ABCB1: variants seen among roughly 807,000 people sequenced by gnomAD.
ABCB1 encodes ATP binding cassette subfamily B member 1.
A neutral mutation model predicts 142.0 loss-of-function variants in ABCB1; 69 were observed. The observed-to-expected ratio is 0.49, with a 90% CI of 0.40 to 0.59. The LOEUF (loss-of-function observed/expected upper bound fraction) is 0.59. Among genes scored for constraint, ABCB1 ranks in the 20% least tolerant of loss-of-function variants. ABCB1 has a pLI of 0.00. For synonymous variants in ABCB1, 532 were observed against 539.2 expected (o/e 0.99, Z 0.18); for missense variants, 1,326 against 1,554.7 (o/e 0.85, Z 2.47).
intron 1 of ABCB1, among the ~76,000 whole-genome samples, chr7:87,692,349 C>G (rs1828093915): frequency 6.6e-6 from 1 of 152,098 alleles, no homozygotes; most frequent in African/African-American, 2.4e-5. Context: ...CTTAGCTACT[C>G]ACAAGGCGAA....
intron 1 of ABCB1, among the ~76,000 whole-genome samples, chr7:87,695,178 C>G (rs1194973779): frequency 6.6e-6 from 1 of 152,022 alleles, no homozygotes; most frequent in African/African-American, 2.4e-5. Context: ...TATACTTGTT[C>G]TATTTTTTAG....
At chr7:87,637,779 C>A (rs367591623) in intron 1 of ABCB1, among the ~76,000 whole-genome samples, 1 of 151,790 alleles carries the variant, frequency 6.6e-6, no homozygotes, top group African/African-American at 2.4e-5. Context: ...ACAGTCTTAC[C>A]AGATTTCTTT....
intron 25 of ABCB1, among the ~76,000 whole-genome samples, chr7:87,511,190 G>A (rs1217144651): frequency 1.3e-5 from 2 of 152,134 alleles, no homozygotes; most frequent in East Asian, 3.9e-4. Flanking sequence ...CTTTCTTTAA[G>A]TAAAACAAGT....
intron 1 of ABCB1, among the ~76,000 whole-genome samples, chr7:87,612,264 A>G (rs561602838): frequency 2.2e-4 from 34 of 152,178 alleles, no homozygotes; most frequent in African/African-American, 6.7e-4. Flanking sequence ...TTTTTAGTTT[A>G]ATTAGGTACA....
chr7:87,565,991 G>T, intron 7 of ABCB1, 79 bp downstream of exon 7: 2 of 1,497,968 alleles, frequency 1.3e-6, no homozygotes, highest in Non-Finnish European at 1.9e-6. Context: ...TCATCATGTA[G>T]TAAAAAGACC....
chr7:87,607,531 T>C (rs1047801183), intron 1 of ABCB1, among the ~76,000 whole-genome samples: 1 of 152,114 alleles, frequency 6.6e-6, no homozygotes, highest in Non-Finnish European at 1.5e-5. Flanking sequence ...TTTTTTTCTT[T>C]GATTCTTTTT....
chr7:87,563,350 G>T (rs953202294), intron 7 of ABCB1: 6 of 455,038 alleles, frequency 1.3e-5, no homozygotes, highest in Non-Finnish European at 2.2e-5. Context: ...ACCTGGCAGA[G>T]ATACAACAAC....
rs1827998822 is a variant in ABCB1 at position 87,691,364 on chromosome 7, A to C, written c.-331+21797T>G. On this transcript the variant is annotated intron_variant, in intron 1 of 28. Coordinates refer to the ABCB1 transcript ENST00000265724. ...TTCTGCCTTTGCCTGAAATTTCAGA[A>C]ACTTACTCCTGAAATAACTATATGG... 2.6e-5 allele frequency among the ~76,000 whole-genome samples: 4 copies of C among 152,222 alleles called. No individual in the cohort carries two copies. The South Asian group carries it at 8.3e-4, about 32-fold the overall frequency.
chr7:87,556,001 A>G (rs1404894054), intron 8 of ABCB1, among the ~76,000 whole-genome samples: 1 of 152,240 alleles, frequency 6.6e-6, no homozygotes, highest in African/African-American at 2.4e-5. Flanking sequence ...AATAAAGGAA[A>G]GAAGGGGGCA....
rs2235029 is a variant in ABCB1 at position 87,550,619 on chromosome 7, A to C, written c.1114-41T>G. 6.9e-4 allele frequency: 1,098 copies of C among 1,590,492 alleles called. 13 individuals carry two copies. The East Asian group carries it at 0.023, about 33-fold the overall frequency. On this transcript the variant is annotated intron_variant, in intron 10 of 27. Coordinates refer to ENST00000622132, the MANE Select transcript of ABCB1 (RefSeq NM_001348946.2). ...TTTTAAGAGATTACTAGGTTACAAT[A>C]ACTACTTTTAGTGATATTTTGTGGA...
intron 14 of ABCB1, among the ~76,000 whole-genome samples, chr7:87,546,342 A>C (rs764808014): frequency 6.6e-6 from 1 of 152,154 alleles, no homozygotes; most frequent in Non-Finnish European, 1.5e-5. Context: ...TAATCCCAGC[A>C]CTTTGGGAGG....
intron 4 of ABCB1, among the ~76,000 whole-genome samples, chr7:87,585,275 C>T (rs1349087589): frequency 6.6e-6 from 1 of 152,174 alleles, no homozygotes; most frequent in Middle Eastern, 3.2e-3. Context: ...ATATTTCTGA[C>T]TTCACAGGGC....
intron 1 of ABCB1, among the ~76,000 whole-genome samples, chr7:87,713,002 T>C (rs1453851124): frequency 6.6e-6 from 1 of 152,082 alleles, no homozygotes; most frequent in East Asian, 1.9e-4. Context: ...AAAATCTTAT[T>C]TTTCTCCCCC....
chr7:87,664,386 A>C (rs943003468), intron 1 of ABCB1, among the ~76,000 whole-genome samples: 2 of 152,184 alleles, frequency 1.3e-5, no homozygotes, highest in African/African-American at 4.8e-5. Context: ...TACTTTACTT[A>C]CAAGGAAGCA....
chr7:87,595,919 A>G (rs1264492211), intron 2 of ABCB1, 105 bp from the exon 3 acceptor site: 3 of 840,824 alleles, frequency 3.6e-6, no homozygotes, highest in Non-Finnish European at 5.9e-6. Flanking sequence ...GGAAGAAGAA[A>G]TATGTCTATA....
At position 87,559,560 on chromosome 7, in the gene ABCB1, C is replaced by T. The variant is rs549632775; in HGVS notation, c.827+1703G>A. Among the ~76,000 whole-genome samples, 177 of 151,770 alleles carry T rather than the reference C, an allele frequency of 1.2e-3. 2 individuals are homozygous for T. The highest frequency in any genetic ancestry group is 2.2e-3 in the Admixed American group (34 of 15,248). On this transcript the variant is annotated intron_variant, in intron 8 of 27. Coordinates refer to ENST00000622132, the MANE Select transcript of ABCB1 (RefSeq NM_001348946.2). ...CTATTAAATTAATTTTTGCTCTTAC[C>T]CTTATTATTTCCTTCTAATATTTTA...
chr7:87,599,111 T>C (rs1487777270), intron 2 of ABCB1, among the ~76,000 whole-genome samples: 1 of 152,228 alleles, frequency 6.6e-6, no homozygotes, highest in Non-Finnish European at 1.5e-5. Context: ...TTTTTTCTCT[T>C]ACACTGAAAA....
chr7:87,547,875 T>C (rs1438230228), intron 14 of ABCB1, among the ~76,000 whole-genome samples: 1 of 118,728 alleles, frequency 8.4e-6, no homozygotes, highest in Non-Finnish European at 1.8e-5. Flanking sequence ...AAAAAAAACC[T>C]TGGCATGGTG....
At chr7:87,639,620 C>G (rs1340937150) in intron 1 of ABCB1, among the ~76,000 whole-genome samples, 1 of 152,074 alleles carries the variant, frequency 6.6e-6, no homozygotes, top group African/African-American at 2.4e-5. Context: ...TAGTTTGATT[C>G]ATTGTCATCA....
Sources: allele counts gnomAD v4.1 joint callset (sites outside exome capture counted in the v4.1 genomes callset), GRCh38; gene constraint gnomAD v4.1.1; transcripts MANE v1.5; gene names NCBI Gene and HGNC (gene_info 2026-07-23, HGNC 2026-07-21).